The following FHIT variants were observed in gnomAD, a reference collection of about 807,000 sequenced individuals.
FHIT encodes the protein fragile histidine triad diadenosine triphosphatase, also known as bis(5'-adenosyl)-triphosphatase.
Under a neutral mutation model 17.9 loss-of-function variants are expected in FHIT, and 19 were observed. That is an observed-to-expected ratio of 1.06 (90% CI 0.74 to 1.56). FHIT has a LOEUF of 1.56. Ranked by LOEUF, FHIT falls within the 40% of genes most tolerant of loss-of-function variation. The pLI, the probability that FHIT is intolerant of heterozygous loss-of-function variation, is 0.00. For missense variants in FHIT, 248 were observed against 189.2 expected, an observed-to-expected ratio of 1.31 and a Z score of -1.82; for synonymous variants, 81 against 69.7, an observed-to-expected ratio of 1.16 and a Z score of -0.81.
rs182534575 is a variant in FHIT at position 60,209,148 on chromosome 3, T to A, written c.104-194996A>T. ...ACATTTACCCAATGTATTCAGGCCTTATGAACCTAGTGATTAACATATTTT... is the reference window on the plus strand; with the variant it reads ...ACATTTACCCAATGTATTCAGGCCTAATGAACCTAGTGATTAACATATTTT... On this transcript the variant is annotated intron_variant, in intron 5 of 9. Coordinates refer to ENST00000492590, the MANE Select transcript of FHIT (RefSeq NM_002012.4). 7.2e-4 allele frequency among the ~76,000 whole-genome samples: 110 copies of A among 152,288 alleles called. 1 individual carries two copies. The highest frequency in any genetic ancestry group is 1.2e-3 in the Non-Finnish European group (81 of 68,014).
At chr3:60,537,357 CATTAAGT>C (rs1239278219) in intron 4 of FHIT, 10 of 479,466 alleles carry the variant, frequency 2.1e-5, no homozygotes, top group Non-Finnish European at 2.4e-5. Context: ...TGAAAATTTT[CATTAAGT>C]ATTAACTATA....
chr3:60,485,696 G>A (rs2033808469), intron 5 of FHIT, among the ~76,000 whole-genome samples: 1 of 151,990 alleles, frequency 6.6e-6, no homozygotes, highest in African/African-American at 2.4e-5. Context: ...AGGTCAATAG[G>A]TGCAGCAAAC....
chr3:59,913,772 G>A (rs376836643), intron 8 of FHIT, among the ~76,000 whole-genome samples: 5 of 152,004 alleles, frequency 3.3e-5, no homozygotes, highest in East Asian at 1.9e-4. Flanking sequence ...TTTAAATATG[G>A]GAAACATAAG....
intron 5 of FHIT, among the ~76,000 whole-genome samples, chr3:60,214,398 A>C (rs1475232752): frequency 6.6e-6 from 1 of 152,164 alleles, no homozygotes; most frequent in African/African-American, 2.4e-5. Context: ...AAAACTAAAA[A>C]AGCATAGTAT....
intron 1 of FHIT, among the ~76,000 whole-genome samples, chr3:61,224,146 G>A (rs972821858): frequency 6.6e-6 from 1 of 152,242 alleles, no homozygotes; most frequent in African/African-American, 2.4e-5. Context: ...AGTAAGGTCA[G>A]TGAAAAACAA....
At chr3:59,891,911 G>A (rs191260034) in intron 8 of FHIT, among the ~76,000 whole-genome samples, 34 of 152,214 alleles carry the variant, frequency 2.2e-4, no homozygotes, top group African/African-American at 6.7e-4. Context: ...GCCTCTTAGG[G>A]GACTTCTGAA....
At chr3:60,051,701 G>C (rs1701887388) in intron 5 of FHIT, among the ~76,000 whole-genome samples, 1 of 152,132 alleles carries the variant, frequency 6.6e-6, no homozygotes, top group Non-Finnish European at 1.5e-5. Context: ...CACAAAAGTG[G>C]AGGTTTCCCT....
chr3:59,976,144 T>C (rs914621835), intron 7 of FHIT, among the ~76,000 whole-genome samples: 18 of 152,072 alleles, frequency 1.2e-4, no homozygotes, highest in African/African-American at 4.3e-4. Flanking sequence ...ATGAGATGGC[T>C]CCCAACAAGT....
At chr3:59,988,941 A>G (rs948165995) in intron 7 of FHIT, among the ~76,000 whole-genome samples, 2 of 152,136 alleles carry the variant, frequency 1.3e-5, no homozygotes, top group African/African-American at 4.8e-5. Flanking sequence ...TGCTGACAGC[A>G]TGCACAATTT....
intron 4 of FHIT, among the ~76,000 whole-genome samples, chr3:60,633,417 A>G (rs1483800466): frequency 4.6e-5 from 7 of 152,230 alleles, no homozygotes; most frequent in Admixed American, 2.0e-4. Flanking sequence ...TAAACACACA[A>G]TAAGTATTAG....
intron 8 of FHIT, among the ~76,000 whole-genome samples, chr3:59,909,167 G>A (rs149592099): frequency 2.6e-5 from 4 of 151,958 alleles, no homozygotes; most frequent in African/African-American, 4.8e-5. Flanking sequence ...CTGAGTAGCT[G>A]GCACTATAGG....
chr3:61,028,605 C>T (rs1016870347), intron 3 of FHIT, among the ~76,000 whole-genome samples: 5 of 152,190 alleles, frequency 3.3e-5, no homozygotes, highest in Non-Finnish European at 5.9e-5. Flanking sequence ...TGAACACGTC[C>T]AAGTTACTTG....
intron 4 of FHIT, among the ~76,000 whole-genome samples, chr3:60,756,855 T>C (rs1699443285): frequency 6.6e-6 from 1 of 152,206 alleles, no homozygotes; most frequent in Admixed American, 6.5e-5. Flanking sequence ...AGCACAAACC[T>C]TGTGACCACA....
chr3:59,848,937 A>G (rs1444160055), intron 8 of FHIT, among the ~76,000 whole-genome samples: 1 of 152,192 alleles, frequency 6.6e-6, no homozygotes, highest in African/African-American at 2.4e-5. Flanking sequence ...ATTTCTGTTT[A>G]TTCAAATATC....
At chr3:61,198,440 C>A (rs1209669435) in intron 2 of FHIT, among the ~76,000 whole-genome samples, 5 of 152,040 alleles carry the variant, frequency 3.3e-5, no homozygotes, top group Non-Finnish European at 7.4e-5. Flanking sequence ...CTGAGTAGGG[C>A]CCCTGGTTAC....
chr3:61,164,703 T>C (rs2037786921), intron 2 of FHIT, among the ~76,000 whole-genome samples: 1 of 152,212 alleles, frequency 6.6e-6, no homozygotes, highest in African/African-American at 2.4e-5. Flanking sequence ...CTGAGTATAT[T>C]GTATGATGCT....
chr3:59,908,850 T>TTTTTTTTTTTTTTTTTTTTTTTTTTGAG (rs1553712872), intron 8 of FHIT, among the ~76,000 whole-genome samples: 1 of 150,092 alleles, frequency 6.7e-6, no homozygotes, highest in Non-Finnish European at 1.5e-5. Context: ...TTTCATTTTT[T>TTTTTTTTTTTTTTTTTTTTTTTTTTGAG]AATAGTCCAA....
chr3:61,190,060 C>T (rs1419823906), intron 2 of FHIT, among the ~76,000 whole-genome samples: 4 of 152,056 alleles, frequency 2.6e-5, no homozygotes, highest in African/African-American at 9.6e-5. Context: ...AAAGCAATGG[C>T]AACAAAAGAC....
chr3:59,988,089 C>G (rs561576270), intron 7 of FHIT, among the ~76,000 whole-genome samples: 37 of 152,028 alleles, frequency 2.4e-4, no homozygotes, highest in African/African-American at 4.3e-4. Flanking sequence ...ATCAGCTTTT[C>G]AAGTAAAAAG....
Sources: allele counts gnomAD v4.1 joint callset (sites outside exome capture counted in the v4.1 genomes callset), GRCh38; gene constraint gnomAD v4.1.1; transcripts MANE v1.5; gene names NCBI Gene and HGNC (gene_info 2026-07-23, HGNC 2026-07-21).